SNX24: variants seen among roughly 807,000 people sequenced by gnomAD.
SNX24 encodes the protein sorting nexin 24.
A neutral mutation model predicts 28.7 loss-of-function variants in SNX24; 22 were observed. The observed-to-expected ratio is 0.77, with a 90% CI of 0.55 to 1.10. SNX24 has a LOEUF of 1.10. SNX24 is among the 50% of genes least tolerant of loss of function. SNX24 has a pLI of 0.00. For synonymous variants in SNX24, 69 were observed against 71.5 expected (o/e 0.96, Z 0.18); for missense variants, 221 against 201.1 (o/e 1.10, Z -0.60).
At position 123,026,056 on chromosome 5, in the gene SNX24, A is replaced by G. The variant is rs1054837997; in HGVS notation, n.384-3182A>G. The G allele has an allele frequency of 7.8e-6, 9 of 1,152,026 alleles. No homozygotes were observed. In the East Asian group the frequency reaches 2.1e-4, roughly 27 times the overall value. The allele number at this position is 1,152,026 out of a possible 1,614,324, so 71.4% of individuals were successfully genotyped here. A position where few individuals can be genotyped will look rare whatever the true frequency, so the allele number is the denominator to read the frequency against. The stretch of plus-strand genomic sequence containing the variant: ...ACATAAGGCCTTAGAGGAATCAATT[A>G]CTAGAACCCTATAGGAGGTAGGGAT... On this transcript the variant is annotated intron_variant and non_coding_transcript_variant, in intron 5 of 5. Coordinates refer to the SNX24 transcript ENST00000502387.
intron 5 of SNX24, among the ~76,000 whole-genome samples, chr5:123,018,955 G>C (rs1212330908): frequency 4.6e-5 from 7 of 152,120 alleles, no homozygotes; most frequent in Non-Finnish European, 8.8e-5. Flanking sequence ...AAAGTGCTGG[G>C]ATTACAGGCA....
At chr5:122,977,576 A>G (rs1761218761) in intron 3 of SNX24, among the ~76,000 whole-genome samples, 1 of 152,216 alleles carries the variant, frequency 6.6e-6, no homozygotes, top group South Asian at 2.1e-4. Flanking sequence ...GAGCAGTAAC[A>G]GGTTCACTGT....
intron 1 of SNX24, among the ~76,000 whole-genome samples, chr5:122,874,881 A>C (rs932896365): frequency 6.6e-6 from 1 of 152,206 alleles, no homozygotes; most frequent in African/African-American, 2.4e-5. Flanking sequence ...ACCAATAGGA[A>C]TTGTTTTAAT....
chr5:122,954,957 C>G (rs1360961444), intron 3 of SNX24, among the ~76,000 whole-genome samples: 1 of 152,030 alleles, frequency 6.6e-6, no homozygotes, highest in South Asian at 2.1e-4. Flanking sequence ...AGTACACTTT[C>G]AGCTCCTTCT....
chr5:122,878,202 A>T (rs78703571), intron 1 of SNX24, among the ~76,000 whole-genome samples: 5,364 of 152,060 alleles, frequency 0.035, 140 homozygotes, highest in East Asian at 0.1. Context: ...TGTTTTGTTC[A>T]CAGAAGTGGT....
chr5:122,960,794 T>G (rs567467107), intron 3 of SNX24, among the ~76,000 whole-genome samples: 51 of 152,290 alleles, frequency 3.3e-4, no homozygotes, highest in Admixed American at 1.6e-3. Context: ...CACAAACTAC[T>G]ACATTTCAAA....
At chr5:123,011,881 G>A (rs1017519468), downstream of SNX24, among the ~76,000 whole-genome samples, 4 of 152,152 alleles carry the variant, frequency 2.6e-5, no homozygotes, top group African/African-American at 9.7e-5. Flanking sequence ...TAATGATATG[G>A]TTTGGCTGTG....
intron 3 of SNX24, chr5:122,965,365 A>G (rs920387578): frequency 3.7e-5 from 16 of 436,306 alleles, no homozygotes; most frequent in African/African-American, 2.8e-4. Context: ...AGGTACCTGG[A>G]TAGCCTGAGT....
chr5:122,987,308 A>T (rs972573186), intron 3 of SNX24, among the ~76,000 whole-genome samples: 1 of 152,134 alleles, frequency 6.6e-6, no homozygotes, highest in African/African-American at 2.4e-5. Flanking sequence ...ACTTATTTGA[A>T]ATGAAAATTC....
At chr5:122,903,703 G>A (rs775943241) in intron 1 of SNX24, among the ~76,000 whole-genome samples, 1 of 152,102 alleles carries the variant, frequency 6.6e-6, no homozygotes, top group Non-Finnish European at 1.5e-5. Context: ...TTAAGTTTTG[G>A]TTTACTGTGG....
intron 3 of SNX24, among the ~76,000 whole-genome samples, chr5:122,959,501 C>T (rs1344238780): frequency 6.6e-6 from 1 of 151,828 alleles, no homozygotes; most frequent in Non-Finnish European, 1.5e-5. Context: ...TCCCAAAATG[C>T]TAGAATTACA....
chr5:123,015,872 T>C (rs1762670679), intron 5 of SNX24, among the ~76,000 whole-genome samples: 1 of 152,160 alleles, frequency 6.6e-6, no homozygotes, highest in East Asian at 1.9e-4. Flanking sequence ...GTTTCAGGCA[T>C]GAGCCACCCT....
intron 3 of SNX24, among the ~76,000 whole-genome samples, chr5:122,995,923 C>T (rs904491759): frequency 1.3e-5 from 2 of 152,134 alleles, no homozygotes; most frequent in African/African-American, 4.8e-5. Flanking sequence ...GGTAGTACTT[C>T]ATCAGCTGTA....
chr5:122,887,772 G>C (rs902455631), intron 1 of SNX24, among the ~76,000 whole-genome samples: 5 of 152,114 alleles, frequency 3.3e-5, no homozygotes, highest in African/African-American at 1.2e-4. Context: ...GCGTGATCTT[G>C]GCTCACTGCA....
intron 5 of SNX24, among the ~76,000 whole-genome samples, chr5:123,018,756 G>A (rs756219657): frequency 9.9e-5 from 15 of 151,736 alleles, no homozygotes; most frequent in East Asian, 1.9e-4. Flanking sequence ...GTGGGATATC[G>A]GCTCACTGCA....
intron 5 of SNX24, among the ~76,000 whole-genome samples, chr5:123,018,884 A>G (rs545472179): frequency 6.6e-6 from 1 of 152,052 alleles, no homozygotes; most frequent in East Asian, 1.9e-4. Context: ...ATGGGGTTTC[A>G]CCATATTGGC....
At chr5:122,993,073 T>C (rs1390381122) in intron 3 of SNX24, among the ~76,000 whole-genome samples, 1 of 152,096 alleles carries the variant, frequency 6.6e-6, no homozygotes, top group African/African-American at 2.4e-5. Flanking sequence ...GTGCAGGTCC[T>C]CAGATTTCTT....
chr5:122,958,931 G>A lies in SNX24; in HGVS notation c.249+12772G>A, dbSNP rs140431590. On this transcript the variant is annotated intron_variant, in intron 3 of 6. Transcript: ENST00000261369. ...ATTGAAGACTTTTGCATCAGTGCTC[G>A]TCAGGAATTTTTGTCTGTAGTTTTC... Among the ~76,000 whole-genome samples, 25 of 152,190 alleles carry A rather than the reference G, an allele frequency of 1.6e-4. No homozygotes were observed. In the East Asian group the frequency reaches 3.7e-3, roughly 22 times the overall value.
intron 1 of SNX24, chr5:122,853,571 G>A: frequency 3.8e-6 from 1 of 261,378 alleles, no homozygotes; most frequent in South Asian, 3.6e-5. Context: ...TAGAAATTTG[G>A]GGGCACAAGC....
Sources: allele counts gnomAD v4.1 joint callset (sites outside exome capture counted in the v4.1 genomes callset), GRCh38; gene constraint gnomAD v4.1.1; transcripts MANE v1.5; gene names NCBI Gene and HGNC (gene_info 2026-07-23, HGNC 2026-07-21).